The following BNIP2 variants were observed in gnomAD, a reference collection of about 807,000 sequenced individuals.
The protein encoded by BNIP2 is BCL2 interacting protein 2.
Under a neutral mutation model 43.4 loss-of-function variants are expected in BNIP2, and 36 were observed. The ratio of observed to expected loss-of-function variants is 0.83; its 90% CI spans 0.64 to 1.10. The LOEUF is 1.10. Ranked by LOEUF, BNIP2 falls within the 50% of genes least tolerant of loss-of-function variation. The pLI is 0.00. For missense variants in BNIP2, 417 were observed against 374.1 expected, an observed-to-expected ratio of 1.11 and a Z score of -0.95; for synonymous variants, 146 against 121.0, an observed-to-expected ratio of 1.21 and a Z score of -1.35.
intron 1 of BNIP2, among the ~76,000 whole-genome samples, chr15:59,687,587 C>A (rs983258376): frequency 1.3e-5 from 2 of 151,954 alleles, no homozygotes; most frequent in Non-Finnish European, 2.9e-5. Flanking sequence ...ATTGCTTTAT[C>A]ATTTTTTGCT....
chr15:59,688,312 T>C (rs1455923088), intron 1 of BNIP2, among the ~76,000 whole-genome samples: 1 of 152,220 alleles, frequency 6.6e-6, no homozygotes, highest in Non-Finnish European at 1.5e-5. Flanking sequence ...CAGAGATTCC[T>C]ATAAAATGTT....
At chr15:59,666,885 A>T (rs1381203741) in intron 9 of BNIP2, among the ~76,000 whole-genome samples, 1 of 152,180 alleles carries the variant, frequency 6.6e-6, no homozygotes, top group African/African-American at 2.4e-5. Context: ...TTAAATAAAA[A>T]GTACAAATTC....
At chr15:59,686,643 T>C (rs1894031458) in intron 1 of BNIP2, among the ~76,000 whole-genome samples, 1 of 152,212 alleles carries the variant, frequency 6.6e-6, no homozygotes, top group Admixed American at 6.5e-5. Flanking sequence ...CCAAACATGC[T>C]TGAAAAAATC....
chr15:59,668,876 A>G lies in BNIP2; in HGVS notation c.893+16T>C. 1 of 1,596,480 alleles carries G rather than the reference A, an allele frequency of 6.3e-7. No individual in the cohort carries two copies. Among genetic ancestry groups the G allele is most frequent in the East Asian group, 2.2e-5 (1 of 44,766 alleles). ...GTTAAGATCCAATACAATTAAGGAAATAAAACAAAACATACTGTTTTATGC... is the reference window on the plus strand; with the variant it reads ...GTTAAGATCCAATACAATTAAGGAAGTAAAACAAAACATACTGTTTTATGC... On this transcript the variant is annotated intron_variant, in intron 9 of 9. Transcript: ENST00000607373.
intron 1 of BNIP2, among the ~76,000 whole-genome samples, chr15:59,687,598 C>T (rs1390672736): frequency 6.6e-6 from 1 of 151,892 alleles, no homozygotes; most frequent in African/African-American, 2.4e-5. Context: ...ATTTTTTGCT[C>T]CTGACCTCAG....
intron 1 of BNIP2, among the ~76,000 whole-genome samples, chr15:59,686,921 G>A (rs1175047221): frequency 1.3e-5 from 2 of 152,210 alleles, no homozygotes; most frequent in Non-Finnish European, 2.9e-5. Flanking sequence ...GGAGGCTGAG[G>A]CAGGAGAATC....
At chr15:59,687,463 T>G (rs1232723837) in intron 1 of BNIP2, among the ~76,000 whole-genome samples, 1 of 151,960 alleles carries the variant, frequency 6.6e-6, no homozygotes, top group Non-Finnish European at 1.5e-5. Flanking sequence ...GTGATTCTTG[T>G]GCCTCAGTCT....
intron 5 of BNIP2, chr15:59,677,062 C>A (rs1893348521): frequency 3.0e-5 from 49 of 1,611,292 alleles, no homozygotes; most frequent in Non-Finnish European, 4.1e-5. Context: ...ATGACTTCAT[C>A]TTATGCTTCA....
intron 1 of BNIP2, among the ~76,000 whole-genome samples, chr15:59,684,357 G>GT (rs1393279258): frequency 6.6e-6 from 1 of 152,170 alleles, no homozygotes; most frequent in Admixed American, 6.5e-5. Flanking sequence ...GATCTAGGCA[G>GT]TTTTTATAAG....
At chr15:59,687,538 G>A in intron 1 of BNIP2, among the ~76,000 whole-genome samples, 1 of 151,972 alleles carries the variant, frequency 6.6e-6, no homozygotes, top group Non-Finnish European at 1.5e-5. Context: ...TTTTAGTAGA[G>A]ATGGGGTTTC....
intron 1 of BNIP2, 83 bp downstream of exon 1, chr15:59,689,052 G>A: frequency 6.8e-7 from 1 of 1,462,904 alleles, no homozygotes; most frequent in Non-Finnish European, 9.0e-7. Flanking sequence ...TCGTGGGCAC[G>A]CGCCCGACAG....
chr15:59,675,407 G>A (rs1431274648), intron 5 of BNIP2, among the ~76,000 whole-genome samples: 4 of 151,664 alleles, frequency 2.6e-5, no homozygotes, highest in African/African-American at 9.7e-5. Context: ...TCAGGTGATC[G>A]AGACCATCCT....
At chr15:59,676,723 CGCGGTGCGGTGCGG>C in intron 5 of BNIP2, 1 of 1,085,764 alleles carries the variant, frequency 9.2e-7, no homozygotes, top group Non-Finnish European at 1.3e-6. Flanking sequence ...TGGAGTGCCG[CGCGGTGCGGTGCGG>C]GCGGCAGAGT....
At chr15:59,680,335 T>G (rs548981943) in intron 2 of BNIP2, 27 bp from the exon 3 acceptor site, 2 of 1,547,314 alleles carry the variant, frequency 1.3e-6, no homozygotes, top group African/African-American at 2.8e-5. Flanking sequence ...TACTTTTTAA[T>G]CCAGAAATTA....
chr15:59,665,311 C>T (rs1261686293), intron 9 of BNIP2: 1 of 150,232 alleles, frequency 6.7e-6, no homozygotes, highest in Admixed American at 6.6e-5. Context: ...TCAAAAATAT[C>T]TAATATAAAT....
At chr15:59,675,248 CAAA>C (rs1342622252) in intron 5 of BNIP2, among the ~76,000 whole-genome samples, 1 of 83,432 alleles carries the variant, frequency 1.2e-5, no homozygotes. Context: ...GACTCCATCT[CAAA>C]AAAAAAAAAA....
At position 59,663,909 on chromosome 15, in the gene BNIP2, T is replaced by C. The variant is rs543410827; in HGVS notation, c.*160A>G. On this transcript the variant is annotated 3_prime_UTR_variant, in exon 10 of 10. Transcript: ENST00000607373. ...AGAAATTTGCAAACCAGTACAGCAG[T>C]GAACAGTCCCTTGTATAATACAAAA... The C allele has an allele frequency of 3.9e-6, 2 of 507,046 alleles. No individual in the cohort carries two copies. The highest frequency in any genetic ancestry group is 8.3e-5 in the South Asian group (2 of 23,984). The allele number at this position is 507,046 out of a possible 1,614,324, so 31.4% of individuals were successfully genotyped here. A position where few individuals can be genotyped will look rare whatever the true frequency, so the allele number is the denominator to read the frequency against.
At chr15:59,671,136 C>T in intron 7 of BNIP2, 47 bp downstream of exon 7, 1 of 1,476,032 alleles carries the variant, frequency 6.8e-7, no homozygotes, top group Non-Finnish European at 9.1e-7. Context: ...TTCCTAAAGC[C>T]ATTATAAAAT....
intron 3 of BNIP2, 37 bp from the exon 4 acceptor site, chr15:59,679,805 G>T: frequency 1.4e-6 from 2 of 1,430,670 alleles, no homozygotes; most frequent in Non-Finnish European, 1.8e-6. Context: ...TACGTAACAA[G>T]GAATGCTTAG....
Sources: gnomAD v4.1 joint callset for allele counts (sites outside exome capture counted in the v4.1 genomes callset) on GRCh38, gnomAD v4.1.1 for gene constraint, MANE v1.5 for transcripts, NCBI Gene and HGNC (gene_info 2026-07-23, HGNC 2026-07-21) for gene names.